The following EPHA6 variants were observed in gnomAD, a reference collection of about 807,000 sequenced individuals.
EPHA6 encodes the protein ephrin type-A receptor 6.
In EPHA6, 50 loss-of-function variants were observed where a neutral mutation model predicts 112.0. The observed-to-expected ratio is 0.45, with a 90% CI of 0.36 to 0.56. EPHA6 has a LOEUF of 0.56. Ranked by LOEUF, EPHA6 falls within the 20% of genes least tolerant of loss-of-function variation. The probability of loss-of-function intolerance (pLI) is 0.00; values close to 1 mark genes in which losing one functional copy is unlikely to be tolerated. For synonymous variants in EPHA6, 529 were observed against 490.7 expected (o/e 1.08, Z -1.03); for missense variants, 1,280 against 1,417.4 (o/e 0.90, Z 1.56).
chr3:97,156,579 A>G (rs1210628127), intron 3 of EPHA6, among the ~76,000 whole-genome samples: 1 of 152,184 alleles, frequency 6.6e-6, no homozygotes, highest in Non-Finnish European at 1.5e-5. Context: ...GATAAAAGTT[A>G]TAGCTGAAAC....
intron 13 of EPHA6, among the ~76,000 whole-genome samples, chr3:97,628,393 A>G (rs1487588591): frequency 1.3e-5 from 2 of 152,016 alleles, no homozygotes; most frequent in Non-Finnish European, 2.9e-5. Context: ...AATGGCTAAT[A>G]TACATAAAAC....
At chr3:97,442,824 C>T (rs9822207) in intron 6 of EPHA6, among the ~76,000 whole-genome samples, 18,751 of 151,960 alleles carry the variant, frequency 0.12, 3,696 homozygotes, top group African/African-American at 0.41. Flanking sequence ...ATAAAGTCCA[C>T]GGGGTTCAGT....
At chr3:97,266,951 T>C (rs1280059879) in intron 5 of EPHA6, among the ~76,000 whole-genome samples, 1 of 152,082 alleles carries the variant, frequency 6.6e-6, no homozygotes, top group Non-Finnish European at 1.5e-5. Context: ...TAGAAATAAA[T>C]AGGAATAAAG....
Position 97,073,974 on chromosome 3 carries a change from A to G in EPHA6, c.1114+85981A>G, listed in dbSNP as rs914238641. 3.3e-5 allele frequency among the ~76,000 whole-genome samples: 5 copies of G among 152,044 alleles called. No individual in the cohort carries two copies. The East Asian group carries it at 9.7e-4, about 29-fold the overall frequency. Reference sequence around the variant, plus strand: ...TTTATTGGCCATTTATTTTTTTAATATTTTATGAATTGCCTATTCATACCC... The same window carrying G: ...TTTATTGGCCATTTATTTTTTTAATGTTTTATGAATTGCCTATTCATACCC... On this transcript the variant is annotated intron_variant, in intron 3 of 17. Coordinates refer to ENST00000389672, the MANE Select transcript of EPHA6 (RefSeq NM_001080448.3).
intron 11 of EPHA6, among the ~76,000 whole-genome samples, chr3:97,550,357 T>C (rs1329106099): frequency 6.6e-6 from 1 of 152,224 alleles, no homozygotes; most frequent in Non-Finnish European, 1.5e-5. Flanking sequence ...AGAAATGCTG[T>C]GTGGAAATAA....
At chr3:97,414,198 A>C (rs1045741636) in intron 6 of EPHA6, among the ~76,000 whole-genome samples, 6 of 152,046 alleles carry the variant, frequency 3.9e-5, no homozygotes, top group Non-Finnish European at 8.8e-5. Context: ...AAATTGAGAA[A>C]GGCCATTTCC....
chr3:97,473,122 C>A (rs1169613905), intron 7 of EPHA6, among the ~76,000 whole-genome samples: 1 of 151,618 alleles, frequency 6.6e-6, no homozygotes, highest in Non-Finnish European at 1.5e-5. Context: ...CCCAGCCTCA[C>A]AATCTATAGC....
At chr3:96,870,826 C>T (rs1258689976) in intron 2 of EPHA6, among the ~76,000 whole-genome samples, 1 of 151,934 alleles carries the variant, frequency 6.6e-6, no homozygotes, top group East Asian at 1.9e-4. Context: ...GTTGGATGTA[C>T]TATGATAGAG....
intron 5 of EPHA6, among the ~76,000 whole-genome samples, chr3:97,313,038 C>T (rs1222471961): frequency 6.6e-6 from 1 of 151,166 alleles, no homozygotes; most frequent in Non-Finnish European, 1.5e-5. Flanking sequence ...AACTTTGTAC[C>T]CTCTGATCAA....
At chr3:97,524,308 A>C (rs1308855676) in intron 10 of EPHA6, among the ~76,000 whole-genome samples, 1 of 152,058 alleles carries the variant, frequency 6.6e-6, no homozygotes, top group Non-Finnish European at 1.5e-5. Context: ...TTATAGTTAA[A>C]GTATTCTAAT....
chr3:97,000,892 A>G (rs1360406591), intron 3 of EPHA6, among the ~76,000 whole-genome samples: 5 of 151,284 alleles, frequency 3.3e-5, no homozygotes, highest in Non-Finnish European at 1.5e-5. Context: ...TGGCTACAAA[A>G]GGCAAGACAT....
chr3:97,113,228 C>T (rs994774581), intron 3 of EPHA6, among the ~76,000 whole-genome samples: 3 of 152,048 alleles, frequency 2.0e-5, no homozygotes, highest in African/African-American at 7.2e-5. Flanking sequence ...AGATCAGATT[C>T]CTTGGGAAAT....
chr3:97,165,914 TG>T (rs2076531379), intron 3 of EPHA6, among the ~76,000 whole-genome samples: 1 of 152,166 alleles, frequency 6.6e-6, no homozygotes, highest in Non-Finnish European at 1.5e-5. Context: ...AAATCAAGTT[TG>T]CAATGCAGTC....
At chr3:96,917,503 T>A (rs900546315) in intron 2 of EPHA6, among the ~76,000 whole-genome samples, 2 of 150,792 alleles carry the variant, frequency 1.3e-5, no homozygotes, top group Non-Finnish European at 2.9e-5. Context: ...AAGTGCACAA[T>A]GCTGTGGAAA....
chr3:97,294,957 TG>T (rs369227620), intron 5 of EPHA6, among the ~76,000 whole-genome samples: 3 of 152,102 alleles, frequency 2.0e-5, no homozygotes, highest in Non-Finnish European at 2.9e-5. Flanking sequence ...GTTAGTCTGA[TG>T]GGGGGGTTCT....
At chr3:97,516,166 G>A (rs969470579) in intron 10 of EPHA6, among the ~76,000 whole-genome samples, 5 of 152,128 alleles carry the variant, frequency 3.3e-5, no homozygotes, top group Admixed American at 3.3e-4. Flanking sequence ...GAAGTAGATA[G>A]GTGGTAGGTA....
intron 1 of EPHA6, among the ~76,000 whole-genome samples, chr3:96,834,307 C>T (rs1191462249): frequency 2.0e-5 from 3 of 151,868 alleles, no homozygotes; most frequent in African/African-American, 7.2e-5. Context: ...CATGGTCTGC[C>T]CATGCCTTTT....
intron 9 of EPHA6, chr3:97,481,609 G>C (rs953739524): frequency 5.2e-5 from 26 of 496,706 alleles, no homozygotes; most frequent in African/African-American, 5.1e-4. Flanking sequence ...TCAGGGAGCA[G>C]CTGTTGCGCC....
At chr3:97,694,962 A>G (rs1406597612) in intron 14 of EPHA6, among the ~76,000 whole-genome samples, 2 of 152,204 alleles carry the variant, frequency 1.3e-5, no homozygotes, top group African/African-American at 2.4e-5. Context: ...ACCATCTGAT[A>G]TGAGTGGTAT....
Sources: gnomAD v4.1 joint callset for allele counts (sites outside exome capture counted in the v4.1 genomes callset) on GRCh38, gnomAD v4.1.1 for gene constraint, MANE v1.5 for transcripts, NCBI Gene and HGNC (gene_info 2026-07-23, HGNC 2026-07-21) for gene names.